Variants in CEP170B observed in about 807,000 individuals in gnomAD.
CEP170B encodes centrosomal protein 170B.
CEP170B carries 55 observed loss-of-function variants against 120.6 expected under a neutral mutation model. The observed-to-expected ratio is 0.46, with a 90% confidence interval of 0.37 to 0.57. CEP170B has a LOEUF of 0.57. Ranked by LOEUF, CEP170B falls within the 20% of genes least tolerant of loss-of-function variation. The pLI, the probability that CEP170B is intolerant of heterozygous loss-of-function variation, is 0.00. For synonymous variants in CEP170B, 1,033 were observed against 954.5 expected (o/e 1.08, Z -1.52); for missense variants, 2,212 against 2,253.3 (o/e 0.98, Z 0.37).
chr14:104,876,671 C>G (rs764198687), intron 3 of CEP170B, among the ~76,000 whole-genome samples: 71 of 152,226 alleles, frequency 4.7e-4, no homozygotes, highest in African/African-American at 1.4e-3. Context: ...CCCCAGAAGG[C>G]TCCCCCTGGC....
At position 104,887,202 on chromosome 14, in the gene CEP170B, C is replaced by A; in HGVS notation, c.2963C>A (p.Ser988Tyr). ...PLRAQKEMSPSPPAAQDPGGT... is the reference protein window; with the variant it reads ...PLRAQKEMSPYPPAAQDPGGT... ...CGGGCACAGAAGGAGATGTCGCCAT[C>A]CCCGCCAGCTGCACAGGACCCGGGA... Residue 988 changes from serine to tyrosine, a missense_variant, in exon 12 of 19, where the codon TCC becomes TAC. Ser to Tyr is a moderately radical substitution (Grantham distance 144). Around this residue, in one of 2 missense-constraint regions of CEP170B, gnomAD observed 2,166 missense variants for 2,166.7 expected, o/e 1.00. Coordinates refer to ENST00000414716, the MANE Select transcript of CEP170B (RefSeq NM_001112726.3). 2 of 1,606,110 alleles carry A rather than the reference C, an allele frequency of 1.2e-6. No homozygotes were observed. The highest frequency in any genetic ancestry group is 1.7e-6 in the Non-Finnish European group (2 of 1,179,694).
chr14:104,878,380 G>A, intron 4 of CEP170B, 63 bp from the exon 5 acceptor site: 1 of 1,543,146 alleles, frequency 6.5e-7, no homozygotes, highest in Non-Finnish European at 8.9e-7. Flanking sequence ...CTGTTGCTGG[G>A]CGTGGACTTC....
At chr14:104,879,484 G>T (rs979371638) in intron 5 of CEP170B, among the ~76,000 whole-genome samples, 1 of 152,146 alleles carries the variant, frequency 6.6e-6, no homozygotes, top group East Asian at 1.9e-4. Flanking sequence ...AAGGTCTTAG[G>T]CTGAGGGTTT....
intron 11 of CEP170B, 33 bp from the exon 12 acceptor site, chr14:104,886,242 G>A (rs779192302): frequency 2.4e-5 from 35 of 1,485,722 alleles, no homozygotes; most frequent in Admixed American, 1.1e-4. Context: ...GCAGACCAGC[G>A]GCCCTCTAAC....
intron 8 of CEP170B, 128 bp from the exon 9 acceptor site, chr14:104,883,703 G>GT: frequency 8.9e-7 from 1 of 1,126,332 alleles, no homozygotes. Context: ...TTTGCCCTGT[G>GT]TGGGGGGGCC....
intron 9 of CEP170B, among the ~76,000 whole-genome samples, chr14:104,884,960 C>T (rs1474936479): frequency 3.6e-4 from 28 of 78,194 alleles, no homozygotes; most frequent in Admixed American, 1.7e-3. Flanking sequence ...GGGGTGGAGG[C>T]GATGCCGGGG....
chr14:104,871,702 GGCC>G (rs555311013), intron 2 of CEP170B, among the ~76,000 whole-genome samples: 76 of 152,328 alleles, frequency 5.0e-4, no homozygotes, highest in Non-Finnish European at 2.5e-4. Flanking sequence ...GTTGTGCTGA[GGCC>G]CAAGGAGCCG....
rs377213493 is a variant in CEP170B, at chr14:104,887,313, C to T, written c.3074C>T (p.Pro1025Leu). ...CCGACGGACATGGGCCGTGGAGAGC[C>T]GGTACGGCGCTCAGCCATAAGGCGT... ...LGPTDMGRGE[P>L]VRRSAIRRGH... Residue 1025 changes from proline (P) to leucine (L), a missense_variant, in exon 12 of 19, where the codon CCG becomes CTG. This residue lies in a region of CEP170B where 2,166 missense variants were observed against 2,166.7 expected (regional missense o/e 1.00). Coordinates refer to ENST00000414716, the MANE Select transcript of CEP170B (RefSeq NM_001112726.3). 23 of 1,610,142 alleles carry T rather than the reference C, an allele frequency of 1.4e-5. No homozygotes were observed. Among genetic ancestry groups the T allele is most frequent in the Middle Eastern group, 1.7e-4 (1 of 6,054 alleles).
rs1895278789 is a variant in CEP170B at position 104,867,958 on chromosome 14, C to T, written c.-27-466C>T. 6.6e-6 allele frequency among the ~76,000 whole-genome samples: 1 copy of T among 152,036 alleles called. No individual in the cohort carries two copies. Among genetic ancestry groups the T allele is most frequent in the Non-Finnish European group, 1.5e-5 (1 of 67,992 alleles). On this transcript the variant is annotated intron_variant, in intron 1 of 18. Coordinates refer to ENST00000414716, the MANE Select transcript of CEP170B (RefSeq NM_001112726.3). The surrounding 1 kb of genome is among the most constrained non-coding windows in gnomAD (Gnocchi z 5.4). ...GAGTGTCCTGCTGGGGGGAGTGGGT[C>T]CTCTTGTTCAGTGTATGTCTTGGGG...
In CEP170B at chr14:104,884,471, C is replaced by T. The variant is rs1047547734; in HGVS notation, c.1692C>T (p.Leu564=). The change falls in exon 9 of 19, where the codon CTC becomes CTT. Residue 564 remains leucine, a synonymous_variant. Coordinates refer to ENST00000414716, the MANE Select transcript of CEP170B (RefSeq NM_001112726.3). ...KARKQEEDDS[L]SDAGTYTIET... ...GGAAACAGGAGGAGGACGACAGCCT[C>T]AGTGACGCAGGGACATACACCATCG... The T allele has an allele frequency of 1.3e-6, 2 of 1,562,028 alleles. No individual in the cohort carries two copies. Among genetic ancestry groups the T allele is most frequent in the African/African-American group, 1.4e-5 (1 of 73,756 alleles).
intron 2 of CEP170B, among the ~76,000 whole-genome samples, chr14:104,875,858 T>TTG (rs1895819186): frequency 6.6e-6 from 1 of 151,398 alleles, no homozygotes; most frequent in East Asian, 1.9e-4. Flanking sequence ...TGGCTGAGAG[T>TTG]TGTGTGTGTT....
Position 104,894,294 on chromosome 14 carries a change from T to G in CEP170B, c.4281T>G (p.Phe1427Leu), listed in dbSNP as rs1896985049. 6.2e-7 allele frequency: 1 copy of G among 1,613,170 alleles called. No individual in the cohort carries two copies. The highest frequency in any genetic ancestry group is 1.1e-5 in the South Asian group (1 of 91,084). ...CCCCTACCTCGGACAGGATCCTCTT[T>G]CAGAACACAGGGAGAGCTTGGGAGG... is the stretch of plus-strand genomic sequence containing the variant. ...EHLAEKMKILFQNTGRAWEDL... is the reference protein window; with the variant it reads ...EHLAEKMKILLQNTGRAWEDL... Residue 1427 changes from phenylalanine to leucine, a missense_variant, in exon 17 of 19, where the codon TTT becomes TTG. By Grantham distance (22) the Phe-to-Leu change is conservative. Around this residue, in one of 2 missense-constraint regions of CEP170B, gnomAD observed 2,166 missense variants for 2,166.7 expected, o/e 1.00. Coordinates refer to ENST00000414716, the MANE Select transcript of CEP170B (RefSeq NM_001112726.3).
intron 2 of CEP170B, among the ~76,000 whole-genome samples, chr14:104,869,742 C>T (rs1595306293): frequency 6.6e-6 from 1 of 152,174 alleles, no homozygotes; most frequent in Admixed American, 6.5e-5. Context: ...CCAGTGGGGA[C>T]GCAGCATTCA....
chr14:104,884,113 G>T lies in CEP170B; in HGVS notation c.1334G>T (p.Arg445Leu), dbSNP rs761311635. ...RRGPTPADRD[R>L]PSVPAPVQAG... ...GGCCCAACGCCGGCCGATAGGGACC[G>T]CCCCAGTGTCCCAGCCCCAGTCCAG... The change falls in exon 9 of 19, where the codon CGC becomes CTC. Residue 445 changes from arginine (R) to leucine (L), a missense_variant. Physicochemically the swap from Arg to Leu is moderately radical, Grantham distance 102. Coordinates refer to ENST00000414716, the MANE Select transcript of CEP170B (RefSeq NM_001112726.3). The T allele has an allele frequency of 5.1e-6, 8 of 1,573,510 alleles. 1 individual carries two copies. The South Asian group carries it at 9.3e-5, about 18-fold the overall frequency.
intron 2 of CEP170B, among the ~76,000 whole-genome samples, chr14:104,874,415 G>T (rs1407145240): frequency 6.6e-6 from 1 of 152,158 alleles, no homozygotes; most frequent in East Asian, 1.9e-4. Flanking sequence ...GCTTTGGCTG[G>T]CAGGGGAGCT....
chr14:104,866,924 C>T (rs1416945917), intron 1 of CEP170B, among the ~76,000 whole-genome samples: 1 of 152,144 alleles, frequency 6.6e-6, no homozygotes, highest in East Asian at 1.9e-4. Context: ...TCATCCCTGT[C>T]CTGGGTTATT....
intron 2 of CEP170B, among the ~76,000 whole-genome samples, chr14:104,876,009 C>T (rs1312467395): frequency 1.3e-5 from 2 of 152,050 alleles, no homozygotes; most frequent in Admixed American, 6.5e-5. Flanking sequence ...CACGGCCCAG[C>T]GGGGAGCATC....
Position 104,878,168 on chromosome 14 carries a change from CT to C in CEP170B, c.274+206del, listed in dbSNP as rs1895961932. ...TGCAGCCCGGCCCCCCGTGGACACC[CT>C]GGCCACGGGTACCTGCTGCTTGCCC... On this transcript the variant is annotated intron_variant, in intron 4 of 18. Transcript: ENST00000414716. Among the ~76,000 whole-genome samples, 3 of 152,120 alleles carry C rather than the reference CT, an allele frequency of 2.0e-5. No individual in the cohort carries two copies. In the South Asian group the frequency reaches 6.2e-4, roughly 31 times the overall value.
Position 104,886,686 on chromosome 14 carries a change from C to T in CEP170B, c.2447C>T (p.Pro816Leu), listed in dbSNP as rs1203257314. The stretch of plus-strand genomic sequence containing the variant: ...TTATCTAGGAAACCGCTTGCGGCTC[C>T]AGGGGATGGGGAGGGCCTAGGGCAG... ...AVLSRKPLAA[P>L]GDGEGLGQTA... is the part of the protein sequence containing the mutation. The change falls in exon 12 of 19, where the codon CCA becomes CTA. Residue 816 changes from proline to leucine, a missense_variant. Pro to Leu is a moderately conservative substitution (Grantham distance 98). Around this residue, in one of 2 missense-constraint regions of CEP170B, gnomAD observed 2,166 missense variants for 2,166.7 expected, o/e 1.00. Transcript: ENST00000414716. 9.7e-6 allele frequency: 15 copies of T among 1,552,844 alleles called. No homozygotes were observed. Among genetic ancestry groups the T allele is most frequent in the African/African-American group, 5.5e-5 (4 of 72,694 alleles).
Sources: gnomAD v4.1 joint callset for allele counts (sites outside exome capture counted in the v4.1 genomes callset) on GRCh38, gnomAD v4.1.1 for gene constraint, gnomAD v4.1.1 regional missense constraint, Gnocchi (gnomAD v3.1) non-coding constraint, MANE v1.5 for transcripts, NCBI Gene and HGNC (gene_info 2026-07-23, HGNC 2026-07-21) for gene names.